REEP3: variants seen among roughly 807,000 people sequenced by gnomAD.
REEP3 encodes receptor accessory protein 3.
In REEP3, 20 loss-of-function variants were observed where a neutral mutation model predicts 41.3. That is an observed-to-expected ratio of 0.48 (90% CI 0.34 to 0.70). The LOEUF (loss-of-function observed/expected upper bound fraction) is 0.70, where lower values mean the gene tolerates loss of function less well. REEP3 is among the 30% of genes least tolerant of loss of function. REEP3 has a pLI of 0.01. For missense variants in REEP3, 271 were observed against 308.8 expected (o/e 0.88, Z 0.92); for synonymous variants, 104 against 101.8 (o/e 1.02, Z -0.13).
chr10:63,531,058 G>A (rs915481663), intron 1 of REEP3, among the ~76,000 whole-genome samples: 4 of 152,014 alleles, frequency 2.6e-5, no homozygotes, highest in Non-Finnish European at 4.4e-5. Context: ...TACCAGTTTC[G>A]TTCATGTTGT....
intron 2 of REEP3, among the ~76,000 whole-genome samples, chr10:63,587,859 G>A (rs1328255246): frequency 1.3e-5 from 2 of 152,164 alleles, no homozygotes; most frequent in African/African-American, 2.4e-5. Flanking sequence ...GCCACACTCT[G>A]TCATTCTACC....
chr10:63,541,537 A>G (rs7087522), intron 1 of REEP3, among the ~76,000 whole-genome samples: 21,628 of 152,158 alleles, frequency 0.14, 3,610 homozygotes, highest in African/African-American at 0.41. Flanking sequence ...CCAAATAAGC[A>G]GTGTATATTA....
chr10:63,602,291 C>T (rs1304490630), intron 5 of REEP3, among the ~76,000 whole-genome samples: 1 of 152,052 alleles, frequency 6.6e-6, no homozygotes, highest in Admixed American at 6.6e-5. Flanking sequence ...AACTAAAATC[C>T]TCATTTGTTA....
intron 2 of REEP3, among the ~76,000 whole-genome samples, chr10:63,584,499 C>CT (rs1429461793): frequency 2.0e-5 from 3 of 150,238 alleles, no homozygotes; most frequent in Admixed American, 2.0e-4. Flanking sequence ...CTTCAAATAG[C>CT]TTTTTTTCAA....
At chr10:63,578,726 A>G (rs1419233574) in intron 2 of REEP3, among the ~76,000 whole-genome samples, 1 of 152,150 alleles carries the variant, frequency 6.6e-6, no homozygotes, top group Non-Finnish European at 1.5e-5. Context: ...TCAGTGAGCC[A>G]AGATCATGCC....
At chr10:63,559,305 A>G (rs1955719968) in intron 1 of REEP3, among the ~76,000 whole-genome samples, 1 of 152,210 alleles carries the variant, frequency 6.6e-6, no homozygotes, top group South Asian at 2.1e-4. Flanking sequence ...TATACACTGC[A>G]TAATTGTTCT....
chr10:63,604,755 C>T (rs1279145829), intron 5 of REEP3, among the ~76,000 whole-genome samples: 1 of 152,188 alleles, frequency 6.6e-6, no homozygotes, highest in Non-Finnish European at 1.5e-5. Context: ...TTGAATGCTA[C>T]AGCAATTGAG....
intron 1 of REEP3, among the ~76,000 whole-genome samples, chr10:63,531,940 C>A (rs1955424590): frequency 6.6e-6 from 1 of 152,150 alleles, no homozygotes; most frequent in South Asian, 2.1e-4. Flanking sequence ...TTTATTATTT[C>A]AAAATTCCTA....
chr10:63,571,471 A>G (rs2133380180), intron 2 of REEP3, among the ~76,000 whole-genome samples: 1 of 152,224 alleles, frequency 6.6e-6, no homozygotes, highest in South Asian at 2.1e-4. Context: ...CCTCAAACCC[A>G]GCAATGTTGG....
rs115564273 is a variant in REEP3, at chr10:63,529,285, G to A, written c.32+7708G>A. ...ACACACTTATTCCAGATAGGGAAAA[G>A]AGAAAAGGCTCTGCATTTGTACTGT... On this transcript the variant is annotated intron_variant, in intron 1 of 7. Transcript: ENST00000373758. 7.2e-3 allele frequency among the ~76,000 whole-genome samples: 1,101 copies of A among 152,286 alleles called. 18 individuals carry two copies. The highest frequency in any genetic ancestry group is 0.025 in the African/African-American group (1,044 of 41,558).
At chr10:63,575,598 T>C (rs995425585) in intron 2 of REEP3, among the ~76,000 whole-genome samples, 1 of 152,180 alleles carries the variant, frequency 6.6e-6, no homozygotes, top group Non-Finnish European at 1.5e-5. Context: ...TTCCCATCTC[T>C]TTTTGTTCTA....
rs1956133043 is a variant in REEP3, at chr10:63,598,043, C to G, written c.202C>G (p.Leu68Val). Reference protein sequence around the residue: ...TVAWFPLYYELKIAFVIWLLS... With the variant: ...TVAWFPLYYEVKIAFVIWLLS... Reference sequence around the variant, plus strand: ...TATTAGGTTTCCCCTGTACTATGAGCTGAAGATTGCTTTTGTCATATGGCT... The same window carrying G: ...TATTAGGTTTCCCCTGTACTATGAGGTGAAGATTGCTTTTGTCATATGGCT... Residue 68 changes from leucine to valine, a missense_variant, in exon 4 of 8, where the codon CTG (leucine) becomes GTG (valine). Coordinates refer to ENST00000373758, the MANE Select transcript of REEP3 (RefSeq NM_001001330.3). 6.2e-7 allele frequency: 1 copy of G among 1,612,206 alleles called. No individual in the cohort carries two copies. Among genetic ancestry groups the G allele is most frequent in the Non-Finnish European group, 8.5e-7 (1 of 1,178,520 alleles).
At chr10:63,549,958 T>C (rs922155976) in intron 1 of REEP3, among the ~76,000 whole-genome samples, 4 of 152,178 alleles carry the variant, frequency 2.6e-5, no homozygotes, top group Non-Finnish European at 4.4e-5. Flanking sequence ...TCTGATGCAC[T>C]CCCACAGAGG....
chr10:63,605,012 C>A (rs74550243), intron 5 of REEP3, among the ~76,000 whole-genome samples: 1 of 151,926 alleles, frequency 6.6e-6, no homozygotes. Context: ...GGTATCTAGT[C>A]GGTAAAGAAT....
At chr10:63,606,263 T>TTTTCTTTC (rs71463532) in intron 5 of REEP3, 2 of 151,674 alleles carry the variant, frequency 1.3e-5, no homozygotes, top group Admixed American at 6.7e-5. Flanking sequence ...GAACTTTTCT[T>TTTTCTTTC]TTTCTTTCTT....
At chr10:63,522,441 A>G (rs1403073150) in intron 1 of REEP3, among the ~76,000 whole-genome samples, 1 of 151,878 alleles carries the variant, frequency 6.6e-6, no homozygotes, top group African/African-American at 2.4e-5. Flanking sequence ...GTTTAAACTG[A>G]TTTTCTCTCA....
intron 6 of REEP3, among the ~76,000 whole-genome samples, chr10:63,617,443 AGGCTATAATGCAGT>A (rs1956320097): frequency 6.6e-6 from 1 of 152,198 alleles, no homozygotes; most frequent in Non-Finnish European, 1.5e-5. Flanking sequence ...TTTTTGAAAC[AGGCTATAATGCAGT>A]GGCATGATCA....
At chr10:63,552,681 T>A (rs1480824832) in intron 1 of REEP3, among the ~76,000 whole-genome samples, 1 of 152,180 alleles carries the variant, frequency 6.6e-6, no homozygotes, top group East Asian at 1.9e-4. Context: ...TATGTTTCTT[T>A]AGGGAGGAAA....
chr10:63,568,887 T>G (rs540260983), intron 2 of REEP3, among the ~76,000 whole-genome samples: 1 of 152,212 alleles, frequency 6.6e-6, no homozygotes, highest in South Asian at 2.1e-4. Context: ...GATCTTGGAC[T>G]CCTGGCCTCA....
Sources: allele counts gnomAD v4.1 joint callset (sites outside exome capture counted in the v4.1 genomes callset), GRCh38; gene constraint gnomAD v4.1.1; transcripts MANE v1.5; gene names NCBI Gene and HGNC (gene_info 2026-07-23, HGNC 2026-07-21).